HERC6: variants seen among roughly 807,000 people sequenced by gnomAD.
The protein encoded by HERC6 is probable E3 ubiquitin-protein ligase HERC6.
HERC6 carries 101 observed loss-of-function variants against 114.5 expected under a neutral mutation model. That is an observed-to-expected ratio of 0.88 (90% confidence interval 0.75 to 1.04). The LOEUF is 1.04. HERC6 is among the 50% of genes least tolerant of loss of function. The pLI is 0.00. For missense variants in HERC6, 1,133 were observed against 1,230.9 expected, an observed-to-expected ratio of 0.92 and a Z score of 1.19; for synonymous variants, 408 against 436.2, an observed-to-expected ratio of 0.94 and a Z score of 0.81.
chr4:88,393,675 G>A (rs1333710382), intron 5 of HERC6, 93 bp downstream of exon 5: 3 of 632,274 alleles, frequency 4.7e-6, no homozygotes, highest in East Asian at 5.9e-5. Context: ...AGAGACATTA[G>A]CCCATTTGGG....
At chr4:88,406,791 C>G (rs1183768518) in intron 10 of HERC6, among the ~76,000 whole-genome samples, 1 of 152,108 alleles carries the variant, frequency 6.6e-6, no homozygotes, top group Admixed American at 6.5e-5. Flanking sequence ...TGAAGTCTCA[C>G]TCTGTCACCC....
At chr4:88,429,483 CTA>C (rs1737969462) in intron 16 of HERC6, among the ~76,000 whole-genome samples, 1 of 152,188 alleles carries the variant, frequency 6.6e-6, no homozygotes, top group African/African-American at 2.4e-5. Flanking sequence ...AGACCTTCCA[CTA>C]TATGAGTTTC....
chr4:88,409,121 T>C (rs1735956665), intron 11 of HERC6, among the ~76,000 whole-genome samples: 1 of 151,994 alleles, frequency 6.6e-6, no homozygotes, highest in South Asian at 2.1e-4. Context: ...TTTGCAAGAG[T>C]AATTGGGGAA....
At chr4:88,405,462 A>G (rs1735773121) in intron 9 of HERC6, 92 bp from the exon 10 acceptor site, 1 of 577,554 alleles carries the variant, frequency 1.7e-6, no homozygotes, top group African/African-American at 1.9e-5. Flanking sequence ...TAATTATTCC[A>G]CGTCATCATT....
Position 88,413,165 on chromosome 4 carries a change from C to T in HERC6, c.1457C>T (p.Pro486Leu). ...GCTTTATCAGTTTTCCTCCTGCTCCCAGAATGTCCTGTGATGCATGATTCT... is the reference window on the plus strand; with the variant it reads ...GCTTTATCAGTTTTCCTCCTGCTCCTAGAATGTCCTGTGATGCATGATTCT... Reference protein sequence around the residue: ...QEALSVFLLLPECPVMHDSKN... With the variant: ...QEALSVFLLLLECPVMHDSKN... Residue 486 changes from proline to leucine, a missense_variant, in exon 12 of 23, where the codon CCA becomes CTA. By Grantham distance (98) the Pro-to-Leu change is moderately conservative (BLOSUM62 -3). Coordinates refer to ENST00000264346, the MANE Select transcript of HERC6 (RefSeq NM_017912.4). 1 of 1,613,614 alleles carries T rather than the reference C, an allele frequency of 6.2e-7. No homozygotes were observed. Among genetic ancestry groups the T allele is most frequent in the Non-Finnish European group, 8.5e-7 (1 of 1,179,594 alleles).
chr4:88,422,997 T>G (rs1032864329), intron 13 of HERC6, among the ~76,000 whole-genome samples: 3 of 152,162 alleles, frequency 2.0e-5, no homozygotes, highest in African/African-American at 7.2e-5. Flanking sequence ...AATGTCCTAT[T>G]TTTATCTTTT....
chr4:88,403,703 A>G (rs972946038), intron 8 of HERC6, among the ~76,000 whole-genome samples: 4 of 152,106 alleles, frequency 2.6e-5, no homozygotes, highest in African/African-American at 7.2e-5. Context: ...GCAGTGAGCC[A>G]AGATCATGCC....
Position 88,431,199 on chromosome 4 carries a change from G to C in HERC6, c.2144G>C (p.Gly715Ala). The change falls in exon 17 of 23, where the codon GGG becomes GCG. Residue 715 changes from glycine (G) to alanine (A), a missense_variant. Gly to Ala is a moderately conservative substitution (Grantham distance 60). Transcript: ENST00000264346. Reference sequence around the variant, plus strand: ...AATGAAATTTGTCCTGAGTCTGGAGGGGTTAGTTCAGAGTTCTTCCACTGT... The same window carrying C: ...AATGAAATTTGTCCTGAGTCTGGAGCGGTTAGTTCAGAGTTCTTCCACTGT... ...FINEICPESG[G>A]VSSEFFHCMF... is the part of the protein sequence containing the mutation. The C allele has an allele frequency of 1.2e-6, 2 of 1,612,824 alleles. No homozygotes were observed. Among genetic ancestry groups the C allele is most frequent in the Non-Finnish European group, 8.5e-7 (1 of 1,179,318 alleles).
chr4:88,388,111 C>T (rs1365125292), intron 3 of HERC6, among the ~76,000 whole-genome samples: 1 of 152,076 alleles, frequency 6.6e-6, no homozygotes, highest in East Asian at 1.9e-4. Flanking sequence ...TGGGTATATA[C>T]TTAGGCATTA....
At chr4:88,404,833 G>T (rs770640296) in intron 8 of HERC6, 43 bp from the exon 9 acceptor site, 3 of 1,602,838 alleles carry the variant, frequency 1.9e-6, no homozygotes, top group African/African-American at 1.3e-5. Flanking sequence ...ACTACTGAAC[G>T]TGTGTGTGTT....
At chr4:88,431,420 T>C (rs1738197440) in intron 17 of HERC6, 115 bp downstream of exon 17, 1 of 1,159,696 alleles carries the variant, frequency 8.6e-7, no homozygotes, top group South Asian at 1.6e-5. Flanking sequence ...TTGCTACTCA[T>C]ATTTTGAGTA....
At chr4:88,423,177 T>C (rs1174780990) in intron 13 of HERC6, among the ~76,000 whole-genome samples, 3 of 152,130 alleles carry the variant, frequency 2.0e-5, no homozygotes, top group African/African-American at 7.2e-5. Context: ...CCTTAATTTA[T>C]GTTCTTAAGT....
chr4:88,413,007 A>C, intron 11 of HERC6, 70 bp from the exon 12 acceptor site: 1 of 1,127,836 alleles, frequency 8.9e-7, no homozygotes, highest in East Asian at 2.4e-5. Context: ...TTAATTTCAC[A>C]GCTTGCTTCT....
At chr4:88,397,526 G>A (rs186808133) in intron 7 of HERC6, among the ~76,000 whole-genome samples, 3 of 151,668 alleles carry the variant, frequency 2.0e-5, no homozygotes, top group Admixed American at 1.3e-4. Context: ...GGTGAAACCC[G>A]TCTCTAGTAA....
intron 12 of HERC6, among the ~76,000 whole-genome samples, chr4:88,416,277 G>A (rs1736469046): frequency 6.6e-6 from 1 of 152,122 alleles, no homozygotes; most frequent in Non-Finnish European, 1.5e-5. Context: ...ATAAAGCCTG[G>A]CTTATAATTC....
intron 13 of HERC6, among the ~76,000 whole-genome samples, chr4:88,420,002 TCTC>T (rs1203999657): frequency 6.6e-6 from 1 of 151,954 alleles, no homozygotes; most frequent in Non-Finnish European, 1.5e-5. Context: ...TCCTCTGTCT[TCTC>T]CTCTCCCTCT....
At chr4:88,416,878 GTT>G (rs1553916059) in intron 12 of HERC6, among the ~76,000 whole-genome samples, 1 of 151,884 alleles carries the variant, frequency 6.6e-6, no homozygotes, top group Non-Finnish European at 1.5e-5. Context: ...AAATTTATTT[GTT>G]TTCTGAGAGT....
chr4:88,423,226 G>T (rs1737250960), intron 13 of HERC6, among the ~76,000 whole-genome samples: 2 of 151,318 alleles, frequency 1.3e-5, no homozygotes, highest in Non-Finnish European at 2.9e-5. Flanking sequence ...ATTCATTTTT[G>T]TGATGGAGGC....
At chr4:88,440,302 T>C in intron 22 of HERC6, 52 bp downstream of exon 22, 1 of 1,060,152 alleles carries the variant, frequency 9.4e-7, no homozygotes, top group Non-Finnish European at 1.4e-6. Flanking sequence ...TTTAAAAAGG[T>C]ACAGTCTTGT....
Sources: allele counts gnomAD v4.1 joint callset (sites outside exome capture counted in the v4.1 genomes callset), GRCh38; gene constraint gnomAD v4.1.1; transcripts MANE v1.5; gene names NCBI Gene and HGNC (gene_info 2026-07-23, HGNC 2026-07-21).